KIAA1549L: variants seen among roughly 807,000 people sequenced by gnomAD.
KIAA1549L encodes KIAA1549 like, also known as UPF0606 protein KIAA1549L.
KIAA1549L carries 88 observed loss-of-function variants against 160.7 expected under a neutral mutation model. The ratio of observed to expected loss-of-function variants is 0.55; its 90% CI spans 0.46 to 0.65. The LOEUF is 0.65. Among genes scored for constraint, KIAA1549L ranks in the 30% least tolerant of loss-of-function variants. The probability of loss-of-function intolerance (pLI) is 0.00; values close to 1 mark genes in which losing one functional copy is unlikely to be tolerated. For synonymous variants in KIAA1549L, 950 were observed against 976.7 expected (o/e 0.97, Z 0.51); for missense variants, 2,258 against 2,437.5 (o/e 0.93, Z 1.55).
chr11:33,567,490 G>A (rs1339519612), intron 8 of KIAA1549L, among the ~76,000 whole-genome samples: 1 of 152,206 alleles, frequency 6.6e-6, no homozygotes, highest in Admixed American at 6.5e-5. Flanking sequence ...GGTAGCTTTA[G>A]GGTGGGCATT....
At chr11:33,611,168 C>T (rs1007161679) in intron 15 of KIAA1549L, among the ~76,000 whole-genome samples, 2 of 152,170 alleles carry the variant, frequency 1.3e-5, no homozygotes, top group Non-Finnish European at 2.9e-5. Flanking sequence ...CTTCCTTTCC[C>T]ACCTACCTGA....
chr11:33,438,490 G>A (rs750863835), intron 1 of KIAA1549L, among the ~76,000 whole-genome samples: 1 of 152,226 alleles, frequency 6.6e-6, no homozygotes, highest in Admixed American at 6.5e-5. Context: ...TGTGCCCGTG[G>A]TGACAGGTGG....
At chr11:33,633,543 C>A (rs1048904177) in intron 16 of KIAA1549L, among the ~76,000 whole-genome samples, 1 of 152,110 alleles carries the variant, frequency 6.6e-6, no homozygotes, top group Non-Finnish European at 1.5e-5. Context: ...AGTGCTAACT[C>A]ACGGGAGAGA....
intron 1 of KIAA1549L, among the ~76,000 whole-genome samples, chr11:33,424,838 T>C (rs1242067010): frequency 6.6e-6 from 1 of 152,148 alleles, no homozygotes; most frequent in African/African-American, 2.4e-5. Context: ...TTCTGTAGAA[T>C]CCTGATGGCT....
At chr11:33,416,938 C>G (rs1324768794) in intron 1 of KIAA1549L, among the ~76,000 whole-genome samples, 1 of 152,134 alleles carries the variant, frequency 6.6e-6, no homozygotes, top group Non-Finnish European at 1.5e-5. Context: ...CCTGCACACA[C>G]CTGTAATTTT....
intron 15 of KIAA1549L, among the ~76,000 whole-genome samples, chr11:33,614,592 T>TTA (rs1850759844): frequency 2.2e-5 from 1 of 45,448 alleles, no homozygotes; most frequent in Non-Finnish European, 4.7e-5. Context: ...ATATTTTTTT[T>TTA]TTTTTTTTTT....
chr11:33,496,037 A>G (rs1161909335), intron 1 of KIAA1549L, among the ~76,000 whole-genome samples: 2 of 152,182 alleles, frequency 1.3e-5, no homozygotes, highest in Non-Finnish European at 2.9e-5. Flanking sequence ...ATCTCTGCTC[A>G]CTGCAACCTC....
Position 33,547,846 on chromosome 11 carries a change from G to A in KIAA1549L, c.3468G>A (p.Arg1156=), listed in dbSNP as rs1450932134. 6.2e-7 allele frequency: 1 copy of A among 1,613,396 alleles called. No individual in the cohort carries two copies. Among genetic ancestry groups the A allele is most frequent in the African/African-American group, 1.3e-5 (1 of 75,060 alleles). The change falls in exon 4 of 21, where the codon CGG becomes CGA. Residue 1156 remains arginine, a synonymous_variant. Transcript: ENST00000658780. ...CCAAAGGGCTCACACAGGCATTGCG[G>A]AAGGCTTTCCACCAGAACGATGTCT... ...SIAKGLTQAL[R]KAFHQNDVSA... is the part of the protein sequence containing the mutation.
In KIAA1549L at chr11:33,660,850, T is replaced by G; in HGVS notation, c.6008-13T>G. ...CCTCTCTTAACCTCCCTCCTCCATT[T>G]CCTCCATGCCAGGTAATACGGTGCC... On this transcript the variant is annotated splice_polypyrimidine_tract_variant and intron_variant, in intron 19 of 20. Coordinates refer to ENST00000658780, the MANE Select transcript of KIAA1549L (RefSeq NM_012194.3). The G allele has an allele frequency of 6.2e-7, 1 of 1,612,976 alleles. No individual in the cohort carries two copies. Among genetic ancestry groups the G allele is most frequent in the Non-Finnish European group, 8.5e-7 (1 of 1,179,372 alleles).
At chr11:33,503,226 TTA>T (rs1852994107) in intron 1 of KIAA1549L, among the ~76,000 whole-genome samples, 1 of 152,228 alleles carries the variant, frequency 6.6e-6, no homozygotes, top group South Asian at 2.1e-4. Context: ...TTGTTCAGCA[TTA>T]TGTGTGTGAG....
At chr11:33,408,461 G>GATAT (rs141299631) in intron 1 of KIAA1549L, among the ~76,000 whole-genome samples, 3,665 of 145,918 alleles carry the variant, frequency 0.025, 163 homozygotes, top group African/African-American at 0.09. Context: ...ATAAGTTAGA[G>GATAT]ATATATATAT....
At chr11:33,462,018 G>A (rs781261255) in intron 1 of KIAA1549L, among the ~76,000 whole-genome samples, 4 of 152,196 alleles carry the variant, frequency 2.6e-5, no homozygotes, top group Non-Finnish European at 4.4e-5. Context: ...GGAGAGGAAG[G>A]TATATGCTGA....
At chr11:33,502,314 A>G (rs1156736159) in intron 1 of KIAA1549L, among the ~76,000 whole-genome samples, 3 of 152,186 alleles carry the variant, frequency 2.0e-5, no homozygotes, top group African/African-American at 7.2e-5. Context: ...AACTTGAAAG[A>G]CAGGGAGAGA....
chr11:33,545,177 A>G lies in KIAA1549L; in HGVS notation c.3184A>G (p.Arg1062Gly). The G allele has an allele frequency of 1.9e-6, 3 of 1,614,014 alleles. No homozygotes were observed. The highest frequency in any genetic ancestry group is 2.5e-6 in the Non-Finnish European group (3 of 1,179,888). ...AAACCCCACCAACCTGGAGATGCCCAGAGCATCCACGCCACGCCCACTGAC... is the reference window on the plus strand; with the variant it reads ...AAACCCCACCAACCTGGAGATGCCCGGAGCATCCACGCCACGCCCACTGAC... ...LPNPTNLEMP[R>G]ASTPRPLTVT... The change falls in exon 3 of 21, where the codon AGA becomes GGA. Residue 1062 changes from arginine (R) to glycine (G), a missense_variant. Arg to Gly is a moderately radical substitution (Grantham distance 125). Around this residue, in one of 6 missense-constraint regions of KIAA1549L, gnomAD observed 1,359 missense variants for 1,546.6 expected, o/e 0.88. Coordinates refer to ENST00000658780, the MANE Select transcript of KIAA1549L (RefSeq NM_012194.3).
intron 16 of KIAA1549L, among the ~76,000 whole-genome samples, chr11:33,633,392 A>C (rs1377261966): frequency 6.6e-6 from 1 of 152,058 alleles, no homozygotes; most frequent in East Asian, 1.9e-4. Context: ...CGGGAAGTCC[A>C]GGCTACAGTC....
At chr11:33,461,365 G>A (rs1211346080) in intron 1 of KIAA1549L, among the ~76,000 whole-genome samples, 1 of 152,094 alleles carries the variant, frequency 6.6e-6, no homozygotes, top group Non-Finnish European at 1.5e-5. Flanking sequence ...TTTATAAACC[G>A]GGGACACAGA....
chr11:33,625,689 T>A (rs974114410), intron 16 of KIAA1549L, among the ~76,000 whole-genome samples: 3 of 152,158 alleles, frequency 2.0e-5, no homozygotes, highest in Non-Finnish European at 4.4e-5. Context: ...TTGTGAAAAT[T>A]TTCTCCCATT....
At chr11:33,552,077 A>G (rs1296777747) in intron 5 of KIAA1549L, 31 bp from the exon 6 acceptor site, 1 of 1,612,702 alleles carries the variant, frequency 6.2e-7, no homozygotes, top group African/African-American at 1.3e-5. Flanking sequence ...ATGGAGCTTT[A>G]GTGAGCACTG....
rs73491191 is a variant in KIAA1549L at position 33,417,011 on chromosome 11, G to T, written c.238+40122G>T. 5.4e-3 allele frequency among the ~76,000 whole-genome samples: 817 copies of T among 152,284 alleles called. 5 individuals carry two copies. Among genetic ancestry groups the T allele is most frequent in the African/African-American group, 0.019 (781 of 41,554 alleles). The stretch of plus-strand genomic sequence containing the variant: ...ATGCTCTGTAACTTGCTCCTCAAGA[G>T]AACTTTCTGCATTTGATGGAAATGT... On this transcript the variant is annotated intron_variant, in intron 1 of 20. Coordinates refer to ENST00000658780, the MANE Select transcript of KIAA1549L (RefSeq NM_012194.3).
Sources: gnomAD v4.1 joint callset for allele counts (sites outside exome capture counted in the v4.1 genomes callset) on GRCh38, gnomAD v4.1.1 for gene constraint, gnomAD v4.1.1 regional missense constraint, MANE v1.5 for transcripts, NCBI Gene and HGNC (gene_info 2026-07-23, HGNC 2026-07-21) for gene names.